UNC5A: variants seen among roughly 807,000 people sequenced by gnomAD.
UNC5A encodes netrin receptor UNC5A.
Under a neutral mutation model 87.4 loss-of-function variants are expected in UNC5A, and 20 were observed. The observed-to-expected ratio is 0.23, with a 90% CI of 0.16 to 0.33. The LOEUF is 0.33. Ranked by LOEUF, UNC5A falls within the 10% of genes least tolerant of loss-of-function variation. UNC5A has a pLI of 1.00. For missense variants in UNC5A, 844 were observed against 1,133.4 expected (o/e 0.74, Z 3.67); for synonymous variants, 438 against 482.3 (o/e 0.91, Z 1.20).
At chr5:176,812,909 G>T (rs114463979) in intron 1 of UNC5A, among the ~76,000 whole-genome samples, 1,530 of 152,304 alleles carry the variant, frequency 0.01, 26 homozygotes, top group African/African-American at 0.035. Context: ...CGTGACCCGG[G>T]CTCCTCCCGC....
intron 1 of UNC5A, among the ~76,000 whole-genome samples, chr5:176,861,133 AC>A (rs1317817602): frequency 3.3e-5 from 5 of 152,034 alleles, no homozygotes. Context: ...GTTGGCTCTC[AC>A]CCCCTATGAG....
intron 1 of UNC5A, among the ~76,000 whole-genome samples, chr5:176,849,285 G>GA (rs960405855): frequency 1.8e-4 from 27 of 151,748 alleles, no homozygotes; most frequent in East Asian, 5.8e-4. Context: ...TTCCCTTGGG[G>GA]AAAAAAAAAT....
chr5:176,823,552 A>G (rs1225577654), intron 1 of UNC5A, among the ~76,000 whole-genome samples: 1 of 151,920 alleles, frequency 6.6e-6, no homozygotes, highest in Non-Finnish European at 1.5e-5. Context: ...GGAAAGGTGG[A>G]TTTACTTGGT....
intron 1 of UNC5A, among the ~76,000 whole-genome samples, chr5:176,830,848 G>T (rs1406996538): frequency 6.7e-6 from 1 of 150,010 alleles, no homozygotes; most frequent in African/African-American, 2.5e-5. Context: ...GCATGTGTGT[G>T]TGCTGGCGTG....
intron 1 of UNC5A, among the ~76,000 whole-genome samples, chr5:176,858,719 G>GA (rs1561658909): frequency 7.3e-6 from 1 of 137,166 alleles, no homozygotes. Context: ...GAAAGAGAGA[G>GA]AGAGAAGGAA....
chr5:176,830,780 T>C (rs1342821796), intron 1 of UNC5A, among the ~76,000 whole-genome samples: 5 of 98,172 alleles, frequency 5.1e-5, no homozygotes, highest in Non-Finnish European at 8.1e-5. Flanking sequence ...GTGTGTGTAC[T>C]GGCGTGTGTG....
rs572072914 is a variant in UNC5A, at chr5:176,848,529, C to T, written c.71-14095C>T. The stretch of plus-strand genomic sequence containing the variant: ...GTAAACAAGCTGGTAATTATTTGGA[C>T]AGTGGGTAATTAAAACGGGGTGAGG... On this transcript the variant is annotated intron_variant, in intron 1 of 14. Transcript: ENST00000329542. This position sits in a 1 kb window ranked among gnomAD's most constrained non-coding sequence, Gnocchi z 5.8. Among the ~76,000 whole-genome samples the T allele has an allele frequency of 3.7e-4, 56 of 152,312 alleles. No individual in the cohort carries two copies. The highest frequency in any genetic ancestry group is 1.3e-3 in the African/African-American group (55 of 41,570).
chr5:176,858,977 G>T (rs933983811), intron 1 of UNC5A, among the ~76,000 whole-genome samples: 1 of 152,168 alleles, frequency 6.6e-6, no homozygotes, highest in East Asian at 1.9e-4. Context: ...CAGTGAGCTC[G>T]GGGGCCAGAG....
In UNC5A at chr5:176,839,725, C is replaced by G. The variant is rs112504636; in HGVS notation, c.71-22899C>G. Among the ~76,000 whole-genome samples, 88 of 151,984 alleles carry G rather than the reference C, an allele frequency of 5.8e-4. 2 individuals are homozygous for G. Among genetic ancestry groups the G allele is most frequent in the African/African-American group, 2.1e-3 (87 of 41,462 alleles). On this transcript the variant is annotated intron_variant, in intron 1 of 14. Transcript: ENST00000329542. ...GGCGCTCTGGGGAGGGCCTGGGGGT[C>G]CTGGGACAGCAGATACCGCAAGCGA...
chr5:176,819,025 C>G (rs999347649), intron 1 of UNC5A, among the ~76,000 whole-genome samples: 1 of 152,234 alleles, frequency 6.6e-6, no homozygotes, highest in Admixed American at 6.5e-5. Context: ...GGGACTCTTT[C>G]CCAGTAAGCT....
At chr5:176,872,225 T>C (rs1581276625) in intron 6 of UNC5A, among the ~76,000 whole-genome samples, 1 of 31,010 alleles carries the variant, frequency 3.2e-5, no homozygotes, top group East Asian at 9.0e-4. Flanking sequence ...ACACCACAGC[T>C]TCACATCTGC....
intron 1 of UNC5A, among the ~76,000 whole-genome samples, chr5:176,861,600 A>T (rs1050936548): frequency 6.6e-6 from 1 of 152,004 alleles, no homozygotes; most frequent in African/African-American, 2.4e-5. Flanking sequence ...GTTTTGGATC[A>T]CCCGTGGGGA....
chr5:176,877,325 C>T, intron 9 of UNC5A, 46 bp downstream of exon 9: 3 of 1,535,312 alleles, frequency 2.0e-6, no homozygotes, highest in Non-Finnish European at 1.8e-6. Flanking sequence ...GACCTGCCTG[C>T]TGCCTTCGGT....
At chr5:176,876,626 G>A (rs1186135130) in intron 8 of UNC5A, among the ~76,000 whole-genome samples, 1 of 152,200 alleles carries the variant, frequency 6.6e-6, no homozygotes, top group African/African-American at 2.4e-5. Context: ...TCCAGCCCAG[G>A]AGATAGGTTA....
intron 1 of UNC5A, among the ~76,000 whole-genome samples, chr5:176,859,391 A>G (rs1398996173): frequency 7.4e-5 from 10 of 134,466 alleles, no homozygotes; most frequent in East Asian, 4.2e-4. Flanking sequence ...TAGAGGGCAT[A>G]GCTGCTAGAA....
rs115510838 is a variant in UNC5A at position 176,874,621 on chromosome 5, G to A, written c.1378+55G>A. ...CTCCACTTCCCTCCTGGAGGAGGAC[G>A]GGACAGCCGGACGTTCCTCTCGTGC... On this transcript the variant is annotated intron_variant, in intron 8 of 14. Transcript: ENST00000329542. This position sits in a 1 kb window ranked among gnomAD's most constrained non-coding sequence, Gnocchi z 7.6. 7.4e-4 allele frequency: 1,092 copies of A among 1,482,202 alleles called. 6 individuals are homozygous for A. In the African/African-American group the frequency reaches 9.3e-3, roughly 13 times the overall value. 91.8% of individuals were successfully genotyped at this position (1,482,202 alleles called of 1,614,324 possible). A position where few individuals can be genotyped will look rare whatever the true frequency, so the allele number is the denominator to read the frequency against.
At chr5:176,836,877 C>T (rs1757158347) in intron 1 of UNC5A, among the ~76,000 whole-genome samples, 1 of 152,184 alleles carries the variant, frequency 6.6e-6, no homozygotes, top group South Asian at 2.1e-4. Flanking sequence ...TAGATAAGTT[C>T]ATGGATGGCA....
intron 2 of UNC5A, among the ~76,000 whole-genome samples, chr5:176,867,071 C>T (rs553399709): frequency 6.6e-6 from 1 of 152,196 alleles, no homozygotes; most frequent in South Asian, 2.1e-4. Context: ...GGCGGCCGCT[C>T]TTCCCGCAAT....
At chr5:176,870,345 T>C (rs372797708) in intron 5 of UNC5A, 25 bp from the exon 6 acceptor site, 6 of 1,608,198 alleles carry the variant, frequency 3.7e-6, no homozygotes, top group South Asian at 2.2e-5. Context: ...CCGCACCGTC[T>C]CCTCTCTGCT....
Sources: gnomAD v4.1 joint callset for allele counts (sites outside exome capture counted in the v4.1 genomes callset) on GRCh38, gnomAD v4.1.1 for gene constraint, Gnocchi (gnomAD v3.1) non-coding constraint, MANE v1.5 for transcripts, NCBI Gene and HGNC (gene_info 2026-07-23, HGNC 2026-07-21) for gene names.